The following MGST2 variants were observed in gnomAD, a reference collection of about 807,000 sequenced individuals.
The protein encoded by MGST2 is glutathione peroxidase MGST2.
In MGST2, 9 loss-of-function variants were observed where a neutral mutation model predicts 16.6. The ratio of observed to expected loss-of-function variants is 0.54; its 90% CI spans 0.33 to 0.95. MGST2 has a LOEUF of 0.95. MGST2 is among the 40% of genes least tolerant of loss of function. The pLI is 0.03. For missense variants in MGST2, 159 were observed against 175.1 expected (o/e 0.91, Z 0.52); for synonymous variants, 79 against 68.0 (o/e 1.16, Z -0.79).
intron 5 of MGST2, among the ~76,000 whole-genome samples, chr4:139,721,832 T>C (rs1728246649): frequency 6.6e-6 from 1 of 152,218 alleles, no homozygotes; most frequent in African/African-American, 2.4e-5. Flanking sequence ...AGTAAAACAC[T>C]GGAAGGTAGT....
At chr4:139,730,023 A>G (rs753346536) in intron 5 of MGST2, among the ~76,000 whole-genome samples, 31 of 152,192 alleles carry the variant, frequency 2.0e-4, no homozygotes, top group African/African-American at 7.5e-4. Flanking sequence ...TAAGAAACAG[A>G]GTTCTCTGAA....
chr4:139,701,029 A>G (rs1003083056), intron 3 of MGST2, among the ~76,000 whole-genome samples: 18 of 152,196 alleles, frequency 1.2e-4, no homozygotes, highest in Non-Finnish European at 1.5e-5. Flanking sequence ...TATTACAACT[A>G]TACTTGTGTC....
At chr4:139,709,464 AT>A (rs1482068087) in intron 5 of MGST2, among the ~76,000 whole-genome samples, 1 of 152,162 alleles carries the variant, frequency 6.6e-6, no homozygotes, top group African/African-American at 2.4e-5. Context: ...TGTGATAATT[AT>A]ATCGTGGCTA....
chr4:139,680,084 T>C (rs1731159410), intron 2 of MGST2, among the ~76,000 whole-genome samples: 1 of 152,232 alleles, frequency 6.6e-6, no homozygotes, highest in African/African-American at 2.4e-5. Context: ...TTCACTGCTA[T>C]TTATTGATTC....
chr4:139,749,202 A>G, the MGST2 span, among the ~76,000 whole-genome samples: 2 of 152,248 alleles, frequency 1.3e-5, no homozygotes, highest in Non-Finnish European at 2.9e-5. Flanking sequence ...CCCCAATTAT[A>G]TAAAATTATA....
At position 139,695,187 on chromosome 4, in the gene MGST2, T is replaced by C. The variant is rs758924419; in HGVS notation, c.159-10T>C. ...CATAAAATAACCTATGTCTTTATTT[T>C]TTTCTGCAGACAAAACTGTGTGGAG... On this transcript the variant is annotated splice_polypyrimidine_tract_variant and intron_variant, in intron 2 of 4. Coordinates refer to ENST00000265498, the MANE Select transcript of MGST2 (RefSeq NM_002413.5). 2.5e-6 allele frequency: 4 copies of C among 1,603,178 alleles called. No individual in the cohort carries two copies. The highest frequency in any genetic ancestry group is 1.7e-5 in the Admixed American group (1 of 59,998).
chr4:139,751,856 TTA>T, the MGST2 span, among the ~76,000 whole-genome samples: 1 of 152,230 alleles, frequency 6.6e-6, no homozygotes, highest in African/African-American at 2.4e-5. Context: ...TTCTTATCTC[TTA>T]TAGTGTCTGC....
At chr4:139,720,016 C>G in intron 5 of MGST2, 1 of 1,614,072 alleles carries the variant, frequency 6.2e-7, no homozygotes, top group Non-Finnish European at 8.5e-7. Context: ...CCATTCCAAC[C>G]CCCTGCCCAG....
At chr4:139,734,559 T>C (rs1728852539) in intron 5 of MGST2, among the ~76,000 whole-genome samples, 1 of 152,214 alleles carries the variant, frequency 6.6e-6, no homozygotes, top group African/African-American at 2.4e-5. Context: ...GAACCTATTT[T>C]ACATATCTTC....
intron 2 of MGST2, among the ~76,000 whole-genome samples, chr4:139,694,500 TAA>T (rs1298573557): frequency 6.6e-6 from 1 of 152,158 alleles, no homozygotes; most frequent in Non-Finnish European, 1.5e-5. Context: ...AGGATGAATA[TAA>T]GTCATCTTTT....
chr4:139,740,487 A>G (rs925129385), exon 6 of MGST2: 1 of 152,086 alleles, frequency 6.6e-6, no homozygotes, highest in Non-Finnish European at 1.5e-5. Context: ...TCCTTGATTT[A>G]AAAATAGGGA....
intron 5 of MGST2, among the ~76,000 whole-genome samples, chr4:139,709,455 G>T (rs1727657435): frequency 6.6e-6 from 1 of 152,140 alleles, no homozygotes; most frequent in South Asian, 2.1e-4. Flanking sequence ...TGTGTTAGGT[G>T]TGATAATTAT....
intron 5 of MGST2, among the ~76,000 whole-genome samples, chr4:139,739,791 T>C (rs943162015): frequency 6.6e-6 from 1 of 150,514 alleles, no homozygotes; most frequent in African/African-American, 2.4e-5. Flanking sequence ...ACAAGAATTA[T>C]AAGGGATTTT....
chr4:139,682,996 C>T (rs760890965), intron 2 of MGST2, among the ~76,000 whole-genome samples: 28 of 152,250 alleles, frequency 1.8e-4, no homozygotes, highest in Non-Finnish European at 3.4e-4. Context: ...GCACAAGGTT[C>T]GAACTTCCTG....
chr4:139,708,308 A>G (rs1270038332), downstream of MGST2, among the ~76,000 whole-genome samples: 1 of 152,220 alleles, frequency 6.6e-6, no homozygotes. Flanking sequence ...AGCACCATTT[A>G]TTAAATAGGG....
At chr4:139,683,731 G>C (rs1160740175) in intron 2 of MGST2, among the ~76,000 whole-genome samples, 1 of 152,004 alleles carries the variant, frequency 6.6e-6, no homozygotes, top group Non-Finnish European at 1.5e-5. Flanking sequence ...TCACACTGCT[G>C]ATAAAGACAT....
At chr4:139,730,326 T>A in intron 5 of MGST2, 1 of 1,132,130 alleles carries the variant, frequency 8.8e-7, no homozygotes, top group Non-Finnish European at 1.3e-6. Context: ...TGATGGAGGA[T>A]GTGAACTGCC....
intron 2 of MGST2, among the ~76,000 whole-genome samples, chr4:139,685,863 C>T (rs893252011): frequency 2.0e-5 from 3 of 152,248 alleles, no homozygotes; most frequent in Non-Finnish European, 1.5e-5. Context: ...AGGGTTTCAC[C>T]ATCTTGGCCA....
intron 5 of MGST2, chr4:139,730,772 ATGGAC>A (rs1037595044): frequency 4.6e-6 from 5 of 1,077,930 alleles, no homozygotes; most frequent in Non-Finnish European, 6.7e-6. Context: ...GTCCCAGCTT[ATGGAC>A]TGGAGGGTTT....
Sources: allele counts gnomAD v4.1 joint callset (sites outside exome capture counted in the v4.1 genomes callset), GRCh38; gene constraint gnomAD v4.1.1; transcripts MANE v1.5; gene names NCBI Gene and HGNC (gene_info 2026-07-23, HGNC 2026-07-21).